The following FSTL4 variants were observed in gnomAD, a reference collection of about 807,000 sequenced individuals.
The protein encoded by FSTL4 is follistatin like 4, also known as follistatin-related protein 4.
In FSTL4, 28 loss-of-function variants were observed where a neutral mutation model predicts 78.2. The observed-to-expected ratio is 0.36, with a 90% CI of 0.27 to 0.49. The LOEUF is 0.49. Among genes scored for constraint, FSTL4 ranks in the 20% least tolerant of loss-of-function variants. FSTL4 has a pLI of 0.98. For synonymous variants in FSTL4, 422 were observed against 440.5 expected (o/e 0.96, Z 0.53); for missense variants, 922 against 1,084.9 (o/e 0.85, Z 2.11).
the FSTL4 span, among the ~76,000 whole-genome samples, chr5:133,766,661 G>A: frequency 3.5e-3 from 530 of 152,302 alleles, 5 homozygotes; most frequent in East Asian, 7.3e-3. Flanking sequence ...AGAGGGTCAC[G>A]GTGACCTGGA....
At chr5:133,711,544 T>C in the FSTL4 span, among the ~76,000 whole-genome samples, 1 of 152,188 alleles carries the variant, frequency 6.6e-6, no homozygotes, top group Non-Finnish European at 1.5e-5. Context: ...TCCTCCCATA[T>C]GTAGGAGCAC....
At chr5:133,824,307 T>C in the FSTL4 span, among the ~76,000 whole-genome samples, 2 of 152,186 alleles carry the variant, frequency 1.3e-5, no homozygotes, top group African/African-American at 2.4e-5. Flanking sequence ...CCTCCTTGGG[T>C]TCGATTAATC....
At chr5:133,394,509 C>A (rs536301958) in intron 4 of FSTL4, among the ~76,000 whole-genome samples, 6 of 152,236 alleles carry the variant, frequency 3.9e-5, no homozygotes, top group Admixed American at 3.9e-4. Context: ...CCAGCAGCTG[C>A]GGAGGGTGCG....
intron 4 of FSTL4, among the ~76,000 whole-genome samples, chr5:133,391,374 A>C (rs1373786418): frequency 6.6e-6 from 1 of 152,154 alleles, no homozygotes; most frequent in Non-Finnish European, 1.5e-5. Context: ...GGGTCCACTC[A>C]CATGGATCTG....
the FSTL4 span, among the ~76,000 whole-genome samples, chr5:133,626,662 G>A: frequency 1.3e-5 from 2 of 151,866 alleles, no homozygotes; most frequent in East Asian, 3.9e-4. Context: ...ATTTAGAACT[G>A]TGTTGTTATG....
intron 6 of FSTL4, among the ~76,000 whole-genome samples, chr5:133,266,955 C>T (rs899186052): frequency 1.3e-5 from 2 of 152,182 alleles, no homozygotes; most frequent in Non-Finnish European, 2.9e-5. Flanking sequence ...ATGTGCACGT[C>T]GCTGCCCCCA....
chr5:133,633,535 A>G, the FSTL4 span, among the ~76,000 whole-genome samples: 7 of 152,030 alleles, frequency 4.6e-5, no homozygotes, highest in Non-Finnish European at 8.8e-5. Context: ...GTGTGTTTCT[A>G]ATTGCTTACT....
At chr5:133,830,197 C>CCCCA in the FSTL4 span, among the ~76,000 whole-genome samples, 15 of 152,332 alleles carry the variant, frequency 9.8e-5, no homozygotes, top group African/African-American at 3.6e-4. Flanking sequence ...GACTTGAGTA[C>CCCCA]CCCAGTCAAG....
chr5:133,237,174 G>A (rs1049829508), intron 7 of FSTL4, among the ~76,000 whole-genome samples: 1 of 152,058 alleles, frequency 6.6e-6, no homozygotes, highest in East Asian at 1.9e-4. Context: ...CTCAAGTCTC[G>A]TCCCCACTTC....
At chr5:133,400,654 C>G (rs1756198968) in intron 4 of FSTL4, 84 bp downstream of exon 4, 6 of 1,251,462 alleles carry the variant, frequency 4.8e-6, no homozygotes, top group Admixed American at 1.9e-5. Flanking sequence ...AACTTGTAGA[C>G]TCAGCACCCA....
At chr5:133,835,971 G>A in the FSTL4 span, among the ~76,000 whole-genome samples, 1,818 of 152,144 alleles carry the variant, frequency 0.012, 43 homozygotes, top group African/African-American at 0.042. Flanking sequence ...TTTTATCTCT[G>A]GTAATGATTC....
At chr5:133,521,636 CAAT>C (rs1321568996) in intron 3 of FSTL4, among the ~76,000 whole-genome samples, 1 of 152,200 alleles carries the variant, frequency 6.6e-6, no homozygotes, top group Non-Finnish European at 1.5e-5. Flanking sequence ...AAATGATTCT[CAAT>C]AAACATTATT....
rs981543753 is a variant in FSTL4 at position 133,197,935 on chromosome 5, G to C, written c.*1160C>G. 4.6e-5 allele frequency: 7 copies of C among 152,746 alleles called. No individual in the cohort carries two copies. Among genetic ancestry groups the C allele is most frequent in the African/African-American group, 1.7e-4 (7 of 41,442 alleles). The allele number at this position is 152,746 out of a possible 1,614,324, so 9.5% of individuals were successfully genotyped here. A position where few individuals can be genotyped will look rare whatever the true frequency, so the allele number is the denominator to read the frequency against. On this transcript the variant is annotated 3_prime_UTR_variant, in exon 16 of 16. Transcript: ENST00000265342. ...CCTTCTGTTCTGGGTTCTGCAGTGT[G>C]TGTGTATTGATTGGGGAATGTGGGT...
the FSTL4 span, among the ~76,000 whole-genome samples, chr5:133,790,829 C>T: frequency 7.2e-5 from 11 of 152,230 alleles, no homozygotes; most frequent in Non-Finnish European, 1.0e-4. Context: ...ACCACCTCCA[C>T]GGCATTCGTC....
chr5:133,508,638 G>A (rs1216543232), intron 3 of FSTL4, among the ~76,000 whole-genome samples: 1 of 152,204 alleles, frequency 6.6e-6, no homozygotes, highest in African/African-American at 2.4e-5. Flanking sequence ...ATCATTTAAA[G>A]TGTATGGAAG....
At chr5:133,706,689 T>C in the FSTL4 span, among the ~76,000 whole-genome samples, 1 of 152,182 alleles carries the variant, frequency 6.6e-6, no homozygotes, top group Non-Finnish European at 1.5e-5. Context: ...CTCACAAGCA[T>C]GTACTTCTGA....
chr5:133,639,809 T>C, the FSTL4 span, among the ~76,000 whole-genome samples: 2 of 152,042 alleles, frequency 1.3e-5, no homozygotes, highest in Non-Finnish European at 2.9e-5. Context: ...CAGCTCGGGG[T>C]TGAGCTTGCA....
chr5:133,275,357 C>T (rs554014753), intron 6 of FSTL4, among the ~76,000 whole-genome samples: 8 of 151,492 alleles, frequency 5.3e-5, no homozygotes, highest in Admixed American at 2.0e-4. Flanking sequence ...GTCAGGAGTT[C>T]GAGACCAGCC....
chr5:133,382,070 CAG>C (rs1755587447), intron 4 of FSTL4, among the ~76,000 whole-genome samples: 1 of 152,226 alleles, frequency 6.6e-6, no homozygotes, highest in African/African-American at 2.4e-5. Flanking sequence ...CCGGTCATCT[CAG>C]AGCCCAGACC....
Sources: allele counts gnomAD v4.1 joint callset (sites outside exome capture counted in the v4.1 genomes callset), GRCh38; gene constraint gnomAD v4.1.1; transcripts MANE v1.5; gene names NCBI Gene and HGNC (gene_info 2026-07-23, HGNC 2026-07-21).